The following FAP variants were observed in gnomAD, a reference collection of about 807,000 sequenced individuals.
FAP encodes prolyl endopeptidase FAP.
In FAP, 110 loss-of-function variants were observed where a neutral mutation model predicts 126.5. That is an observed-to-expected ratio of 0.87 (90% confidence interval 0.74 to 1.02). The LOEUF is 1.02. FAP is among the 50% of genes least tolerant of loss of function. FAP has a pLI of 0.00. For missense variants in FAP, 919 were observed against 909.2 expected (o/e 1.01, Z -0.14); for synonymous variants, 334 against 297.3 (o/e 1.12, Z -1.27).
intron 12 of FAP, among the ~76,000 whole-genome samples, chr2:162,204,813 G>A (rs1450686118): frequency 6.6e-6 from 1 of 152,126 alleles, no homozygotes; most frequent in African/African-American, 2.4e-5. Flanking sequence ...CATTTACCTA[G>A]AATCAATAAA....
At position 162,198,818 on chromosome 2, in the gene FAP, C is replaced by A; in HGVS notation, c.1341G>T (p.Arg447Ser). The change falls in exon 16 of 26, where the codon AGG becomes AGT. Residue 447 changes from arginine (R) to serine (S), a missense_variant. By Grantham distance (110) the Arg-to-Ser change is moderately radical (BLOSUM62 -1). Coordinates refer to ENST00000188790, the MANE Select transcript of FAP (RefSeq NM_004460.5). ...KCVTCHLRKE[R>S]CQYYTASFSD... The stretch of plus-strand genomic sequence containing the variant: ...TGAAACTTGCTGTGTAATATTGGCA[C>A]CTTTCTTTCCTTAGATGGCAAGTAA... 1.2e-6 allele frequency: 2 copies of A among 1,613,936 alleles called. No homozygotes were observed. The highest frequency in any genetic ancestry group is 1.3e-5 in the African/African-American group (1 of 75,038).
rs144770348 is a variant in FAP at position 162,211,832 on chromosome 2, C to T, written c.1003-1836G>A. Among the ~76,000 whole-genome samples, 78 of 152,142 alleles carry T rather than the reference C, an allele frequency of 5.1e-4. 3 individuals carry two copies. The East Asian group carries it at 0.011, about 21-fold the overall frequency. On this transcript the variant is annotated intron_variant, in intron 11 of 25. Transcript: ENST00000188790. Reference sequence around the variant, plus strand: ...TCATTTTTGCCAGTTTCCTTTGCCTCTTTGTTTGGGGCATGACTCTCAGCA... The same window carrying T: ...TCATTTTTGCCAGTTTCCTTTGCCTTTTTGTTTGGGGCATGACTCTCAGCA...
At position 162,221,733 on chromosome 2, in the gene FAP, G is replaced by A. The variant is rs777234153; in HGVS notation, c.414-1808C>T. The A allele has an allele frequency of 4.6e-5, 21 of 456,592 alleles. 1 individual carries two copies. Among genetic ancestry groups the A allele is most frequent in the South Asian group, 3.3e-4 (21 of 64,562 alleles). The allele number at this position is 456,592 out of a possible 1,614,324, so 28.3% of individuals were successfully genotyped here. A position where few individuals can be genotyped will look rare whatever the true frequency, so the allele number is the denominator to read the frequency against. On this transcript the variant is annotated intron_variant, in intron 6 of 25. Coordinates refer to ENST00000188790, the MANE Select transcript of FAP (RefSeq NM_004460.5). ...ATTTTCTGTTTTCTGAGTCACTAAA[G>A]GTATGAGAAAAGGCGAGGGAGGATG...
At chr2:162,231,317 C>T (rs189654090) in intron 2 of FAP, among the ~76,000 whole-genome samples, 1 of 152,220 alleles carries the variant, frequency 6.6e-6, no homozygotes, top group African/African-American at 2.4e-5. Context: ...ATTATTGGAT[C>T]AACAAATGAA....
chr2:162,238,843 T>C (rs894018507), intron 2 of FAP, among the ~76,000 whole-genome samples: 1 of 152,188 alleles, frequency 6.6e-6, no homozygotes, highest in Non-Finnish European at 1.5e-5. Context: ...ATACTAATAA[T>C]AACAACAACA....
chr2:162,212,590 A>G (rs947074125), intron 11 of FAP, among the ~76,000 whole-genome samples: 2 of 152,204 alleles, frequency 1.3e-5, no homozygotes, highest in African/African-American at 4.8e-5. Context: ...TATAGTCCTG[A>G]TATATTTCCA....
intron 2 of FAP, among the ~76,000 whole-genome samples, chr2:162,230,894 C>T (rs1173973852): frequency 6.6e-6 from 1 of 152,140 alleles, no homozygotes; most frequent in Non-Finnish European, 1.5e-5. Context: ...CTATAGGAAT[C>T]ATTCCTTGAC....
chr2:162,174,833 G>A (rs752924909), intron 22 of FAP, 34 bp downstream of exon 22: 1 of 1,451,378 alleles, frequency 6.9e-7, no homozygotes, highest in East Asian at 2.3e-5. Flanking sequence ...CGTGTTAAAT[G>A]CTTTCACAGT....
At chr2:162,243,173 T>C in intron 1 of FAP, 149 bp downstream of exon 1, 1 of 797,414 alleles carries the variant, frequency 1.3e-6, no homozygotes, top group East Asian at 2.6e-5. Context: ...GTTTCTACAG[T>C]ATATTTAGAA....
intron 2 of FAP, among the ~76,000 whole-genome samples, chr2:162,230,231 C>T (rs911560864): frequency 6.6e-6 from 1 of 152,082 alleles, no homozygotes; most frequent in African/African-American, 2.4e-5. Context: ...AATGTGTCTC[C>T]TTTGAGATGG....
intron 17 of FAP, among the ~76,000 whole-genome samples, chr2:162,190,210 T>C (rs904008810): frequency 1.3e-5 from 2 of 152,096 alleles, no homozygotes; most frequent in African/African-American, 4.8e-5. Context: ...TAATTTTTAA[T>C]GTGTAAAGTT....
At chr2:162,227,587 T>C (rs948641023) in intron 2 of FAP, among the ~76,000 whole-genome samples, 1 of 152,158 alleles carries the variant, frequency 6.6e-6, no homozygotes, top group Non-Finnish European at 1.5e-5. Flanking sequence ...AATCTGGTAT[T>C]TGCCCAGGTG....
At chr2:162,198,702 A>T in intron 16 of FAP, 55 bp downstream of exon 16, 1 of 1,600,774 alleles carries the variant, frequency 6.2e-7, no homozygotes, top group Non-Finnish European at 8.6e-7. Flanking sequence ...AGAGGTGAGG[A>T]GGATGACAAC....
chr2:162,190,122 A>G (rs986207883), intron 17 of FAP, among the ~76,000 whole-genome samples: 3 of 152,076 alleles, frequency 2.0e-5, no homozygotes, highest in Non-Finnish European at 4.4e-5. Context: ...ACTTAAAAAA[A>G]TGTAGTGGAA....
chr2:162,240,874 A>C (rs1690319942), intron 2 of FAP, among the ~76,000 whole-genome samples: 1 of 152,068 alleles, frequency 6.6e-6, no homozygotes, highest in Admixed American at 6.6e-5. Flanking sequence ...CAGATGTGAG[A>C]GTGAGGACTG....
chr2:162,224,428 A>G, intron 5 of FAP, 38 bp downstream of exon 5: 2 of 1,210,240 alleles, frequency 1.7e-6, no homozygotes, highest in Non-Finnish European at 2.4e-6. Flanking sequence ...GATTAGTAGG[A>G]GATACAATTG....
In FAP at chr2:162,202,903, T is replaced by C. The variant is rs753245457; in HGVS notation, c.1192A>G (p.Ile398Val). 4.2e-5 allele frequency: 68 copies of C among 1,613,728 alleles called. No individual in the cohort carries two copies. Among genetic ancestry groups the C allele is most frequent in the Admixed American group, 1.0e-4 (6 of 60,004 alleles). The change falls in exon 14 of 26, where the codon ATA (isoleucine) becomes GTA (valine). Residue 398 changes from isoleucine to valine, a missense_variant. Transcript: ENST00000188790. The stretch of plus-strand genomic sequence containing the variant: ...TCCTGTGTTACTCTGAATATATTTA[T>C]GGCCTCCCACTTGCCACTTGTAATT... ...IQITSGKWEA[I>V]NIFRVTQDSL... is the part of the protein sequence containing the mutation.
intron 12 of FAP, 67 bp downstream of exon 12, chr2:162,209,885 A>G (rs1022513667): frequency 1.4e-6 from 2 of 1,413,532 alleles, no homozygotes; most frequent in Non-Finnish European, 2.0e-6. Flanking sequence ...CATTGCAAAT[A>G]GTCCTTTGAT....
chr2:162,217,491 C>T (rs1441004728), intron 9 of FAP, among the ~76,000 whole-genome samples: 3 of 152,172 alleles, frequency 2.0e-5, no homozygotes, highest in Non-Finnish European at 4.4e-5. Flanking sequence ...TATGGGTTCA[C>T]ACCATGTCTA....
Sources: allele counts gnomAD v4.1 joint callset (sites outside exome capture counted in the v4.1 genomes callset), GRCh38; gene constraint gnomAD v4.1.1; transcripts MANE v1.5; gene names NCBI Gene and HGNC (gene_info 2026-07-23, HGNC 2026-07-21).